The following FNDC3B variants were observed in gnomAD, a reference collection of about 807,000 sequenced individuals.
FNDC3B encodes the protein fibronectin type III domain-containing protein 3B.
In FNDC3B, 12 loss-of-function variants were observed where a neutral mutation model predicts 151.5. That is an observed-to-expected ratio of 0.08 (90% CI 0.05 to 0.13). FNDC3B has a LOEUF of 0.13. Among genes scored for constraint, FNDC3B ranks in the 10% least tolerant of loss-of-function variants. The pLI, the probability that FNDC3B is intolerant of heterozygous loss-of-function variation, is 1.00. For missense variants in FNDC3B, 1,214 were observed against 1,505.3 expected, an observed-to-expected ratio of 0.81 and a Z score of 3.20; for synonymous variants, 528 against 549.0, an observed-to-expected ratio of 0.96 and a Z score of 0.54.
At chr3:172,227,251 G>A in intron 4 of FNDC3B, 1 of 225,950 alleles carries the variant, frequency 4.4e-6, no homozygotes, top group Non-Finnish European at 8.7e-6. Flanking sequence ...CCTTCCACCT[G>A]TAATACAACT....
chr3:172,129,105 A>C (rs978505543), intron 2 of FNDC3B, among the ~76,000 whole-genome samples: 1 of 152,118 alleles, frequency 6.6e-6, no homozygotes, highest in Non-Finnish European at 1.5e-5. Flanking sequence ...AGTTGCTAGA[A>C]CTACAGGAAT....
intron 6 of FNDC3B, among the ~76,000 whole-genome samples, chr3:172,263,758 T>A (rs937286253): frequency 2.6e-5 from 4 of 152,188 alleles, no homozygotes; most frequent in Admixed American, 1.3e-4. Flanking sequence ...CTATTCCCTA[T>A]AGAGTTTAAT....
intron 4 of FNDC3B, among the ~76,000 whole-genome samples, chr3:172,234,988 GTTC>G (rs1242696570): frequency 2.0e-5 from 3 of 152,036 alleles, no homozygotes; most frequent in Admixed American, 6.6e-5. Context: ...TTCAGAATGG[GTTC>G]TTAATTCTTT....
At chr3:172,394,920 G>A (rs183723647) in intron 25 of FNDC3B, among the ~76,000 whole-genome samples, 206 of 152,234 alleles carry the variant, frequency 1.4e-3, no homozygotes, top group Non-Finnish European at 2.5e-3. Flanking sequence ...TCCCTGGGAC[G>A]CAAGGATGAT....
intron 9 of FNDC3B, chr3:172,302,790 A>G (rs1182085458): frequency 6.6e-6 from 1 of 152,096 alleles, no homozygotes; most frequent in Non-Finnish European, 1.5e-5. Context: ...GCTTCTGTAA[A>G]GGGCATTGTG....
chr3:172,297,513 CG>C (rs1462372127), intron 8 of FNDC3B, among the ~76,000 whole-genome samples: 2 of 151,756 alleles, frequency 1.3e-5, no homozygotes, highest in African/African-American at 2.4e-5. Context: ...CTTGCTCTGT[CG>C]CCCAGGCTGG....
intron 3 of FNDC3B, among the ~76,000 whole-genome samples, chr3:172,144,029 G>A (rs1721776398): frequency 6.6e-6 from 1 of 152,156 alleles, no homozygotes; most frequent in Non-Finnish European, 1.5e-5. Context: ...AGCTTATAAG[G>A]AAAAGAGGTT....
intron 3 of FNDC3B, among the ~76,000 whole-genome samples, chr3:172,171,996 T>A (rs1300291142): frequency 6.6e-6 from 1 of 152,192 alleles, no homozygotes; most frequent in African/African-American, 2.4e-5. Context: ...TTAAGGTTTA[T>A]TATTTTAAGA....
chr3:172,215,461 C>T (rs1364991400), intron 3 of FNDC3B, among the ~76,000 whole-genome samples: 3 of 152,330 alleles, frequency 2.0e-5, no homozygotes, highest in South Asian at 2.1e-4. Flanking sequence ...TGGTGGCTCA[C>T]GCCTGTTATC....
At position 172,397,274 on chromosome 3, in the gene FNDC3B, A is replaced by G. The variant is rs1736336450; in HGVS notation, c.3414A>G (p.Leu1138=). Reference sequence around the variant, plus strand: ...GCTGTTTAGACACCTCTCAGGAGCTAAGCGGAGCCTTCAGCCCCTCTGCGG... The same window carrying G: ...GCTGTTTAGACACCTCTCAGGAGCTGAGCGGAGCCTTCAGCCCCTCTGCGG... ...CRRCLDTSQE[L]SGAFSPSAAF... is the part of the protein sequence containing the mutation. The change falls in exon 26 of 26, where the codon CTA becomes CTG. Residue 1138 remains leucine (L), a synonymous_variant. Transcript: ENST00000415807. The G allele has an allele frequency of 6.2e-7, 1 of 1,614,088 alleles. No homozygotes were observed. Among genetic ancestry groups the G allele is most frequent in the Non-Finnish European group, 8.5e-7 (1 of 1,180,022 alleles).
chr3:172,297,783 A>C (rs1336519548), intron 8 of FNDC3B, among the ~76,000 whole-genome samples: 1 of 145,320 alleles, frequency 6.9e-6, no homozygotes, highest in East Asian at 2.0e-4. Context: ...CTTTTTTTTC[A>C]TAAGTTTTAT....
chr3:172,090,173 CG>C (rs1390236978), intron 1 of FNDC3B, among the ~76,000 whole-genome samples: 1 of 152,190 alleles, frequency 6.6e-6, no homozygotes, highest in Non-Finnish European at 1.5e-5. Context: ...CAACTTCAAA[CG>C]TGCCTCCTTT....
intron 8 of FNDC3B, among the ~76,000 whole-genome samples, chr3:172,296,372 CACAG>C (rs1025970038): frequency 2.6e-5 from 4 of 152,204 alleles, no homozygotes; most frequent in African/African-American, 7.2e-5. Flanking sequence ...ATTCTTGCTC[CACAG>C]ACAGTCTTCC....
At chr3:172,312,786 G>A (rs919539392) in intron 11 of FNDC3B, among the ~76,000 whole-genome samples, 6 of 152,036 alleles carry the variant, frequency 3.9e-5, no homozygotes, top group East Asian at 1.9e-4. Flanking sequence ...AAGAAAACTC[G>A]GGTGCTGCAG....
At chr3:172,087,593 A>G (rs1018415804) in intron 1 of FNDC3B, among the ~76,000 whole-genome samples, 3 of 152,122 alleles carry the variant, frequency 2.0e-5, no homozygotes, top group African/African-American at 7.2e-5. Flanking sequence ...AAAATAAGGG[A>G]TGGAATAGAT....
At chr3:172,119,459 G>C (rs547070359) in intron 2 of FNDC3B, among the ~76,000 whole-genome samples, 1 of 152,068 alleles carries the variant, frequency 6.6e-6, no homozygotes, top group South Asian at 2.1e-4. Context: ...GTGTCACAGT[G>C]CTTAGGAGTT....
chr3:172,088,086 G>C (rs1226039839), intron 1 of FNDC3B, among the ~76,000 whole-genome samples: 1 of 152,144 alleles, frequency 6.6e-6, no homozygotes, highest in African/African-American at 2.4e-5. Flanking sequence ...TGGAAAAGCT[G>C]ACAGCCTAAA....
chr3:172,249,070 A>G (rs1165256918), intron 5 of FNDC3B, among the ~76,000 whole-genome samples: 1 of 151,862 alleles, frequency 6.6e-6, no homozygotes, highest in Admixed American at 6.6e-5. Context: ...CTATGAAAAC[A>G]TTTGGATAAA....
chr3:172,155,266 A>G (rs1188653391), intron 3 of FNDC3B, among the ~76,000 whole-genome samples: 1 of 152,106 alleles, frequency 6.6e-6, no homozygotes, highest in Non-Finnish European at 1.5e-5. Context: ...CTCGTGGAGG[A>G]TTCTTCTTTG....
Sources: allele counts gnomAD v4.1 joint callset (sites outside exome capture counted in the v4.1 genomes callset), GRCh38; gene constraint gnomAD v4.1.1; transcripts MANE v1.5; gene names NCBI Gene and HGNC (gene_info 2026-07-23, HGNC 2026-07-21).